Variants in ELL observed in about 807,000 individuals in gnomAD.
ELL encodes the protein RNA polymerase II elongation factor ELL.
ELL carries 18 observed loss-of-function variants against 64.0 expected under a neutral mutation model. The observed-to-expected ratio is 0.28, with a 90% confidence interval of 0.19 to 0.42. ELL has a LOEUF of 0.42. Among genes scored for constraint, ELL ranks in the 10% least tolerant of loss-of-function variants. The pLI is 1.00. For synonymous variants in ELL, 399 were observed against 376.2 expected, an observed-to-expected ratio of 1.06 and a Z score of -0.70; for missense variants, 797 against 870.4, an observed-to-expected ratio of 0.92 and a Z score of 1.06.
intron 1 of ELL, among the ~76,000 whole-genome samples, chr19:18,516,441 G>A (rs1003547594): frequency 2.6e-5 from 4 of 152,140 alleles, no homozygotes; most frequent in East Asian, 1.9e-4. Flanking sequence ...AACGTTGACC[G>A]CCGGTGAGTT....
At chr19:18,457,128 T>C (rs1027328133) in intron 6 of ELL, among the ~76,000 whole-genome samples, 1 of 152,190 alleles carries the variant, frequency 6.6e-6, no homozygotes. Flanking sequence ...GGGGCTGGCA[T>C]GAGCCCAGCA....
chr19:18,457,412 C>T (rs1338606794), intron 6 of ELL, among the ~76,000 whole-genome samples: 4 of 152,188 alleles, frequency 2.6e-5, no homozygotes, highest in African/African-American at 7.2e-5. Flanking sequence ...GGCAGTGCCC[C>T]GCAGGCCCCT....
chr19:18,459,979 AG>A (rs1247609465), intron 5 of ELL, among the ~76,000 whole-genome samples: 1 of 152,196 alleles, frequency 6.6e-6, no homozygotes, highest in Non-Finnish European at 1.5e-5. Context: ...AGTAGGTCAA[AG>A]GCTGAATATT....
At chr19:18,457,479 A>AC (rs35073489) in intron 6 of ELL, among the ~76,000 whole-genome samples, 1 of 152,106 alleles carries the variant, frequency 6.6e-6, no homozygotes, top group Non-Finnish European at 1.5e-5. Context: ...AGCAGAGTGG[A>AC]CCCCCAACTT....
chr19:18,472,740 G>A lies in ELL; in HGVS notation c.183+95C>T, dbSNP rs930960463. The A allele has an allele frequency of 2.1e-6, 3 of 1,458,410 alleles. No individual in the cohort carries two copies. In the African/African-American group the frequency reaches 4.3e-5, roughly 21 times the overall value. The allele number at this position is 1,458,410 out of a possible 1,614,324, so 90.3% of individuals were successfully genotyped here. A position where few individuals can be genotyped will look rare whatever the true frequency, so the allele number is the denominator to read the frequency against. Reference sequence around the variant, plus strand: ...TGGTGGCAGACAGGGCCCAAACACTGCCATGAGCTGCTGCTGTACCCAGCG... The same window carrying A: ...TGGTGGCAGACAGGGCCCAAACACTACCATGAGCTGCTGCTGTACCCAGCG... On this transcript the variant is annotated intron_variant, in intron 2 of 11. Coordinates refer to ENST00000262809, the MANE Select transcript of ELL (RefSeq NM_006532.4).
intron 1 of ELL, among the ~76,000 whole-genome samples, chr19:18,482,748 C>T (rs2144943890): frequency 6.9e-6 from 1 of 144,452 alleles, no homozygotes; most frequent in East Asian, 2.0e-4. Flanking sequence ...CTTAGTTCCT[C>T]CCATCTTTTT....
In ELL at chr19:18,458,195, G is replaced by T; in HGVS notation, c.869+10C>A. On this transcript the variant is annotated intron_variant, in intron 6 of 11. Coordinates refer to ENST00000262809, the MANE Select transcript of ELL (RefSeq NM_006532.4). ...GTGGGGACATGCTGGGGGATGGGAGGCGGCATTACCGGACGAGCACCCGCT... is the reference window on the plus strand; with the variant it reads ...GTGGGGACATGCTGGGGGATGGGAGTCGGCATTACCGGACGAGCACCCGCT... The T allele has an allele frequency of 6.2e-7, 1 of 1,607,300 alleles. No individual in the cohort carries two copies.
intron 1 of ELL, 108 bp from the exon 2 acceptor site, chr19:18,472,990 G>A (rs1329484158): frequency 5.4e-6 from 7 of 1,303,884 alleles, no homozygotes; most frequent in Admixed American, 5.3e-5. Flanking sequence ...TGAAGATGGT[G>A]TTCTCAGGAG....
intron 8 of ELL, 50 bp downstream of exon 8, chr19:18,450,427 T>C (rs749167477): frequency 6.3e-7 from 1 of 1,580,876 alleles, no homozygotes; most frequent in Non-Finnish European, 8.6e-7. Flanking sequence ...GAGGCGGGTG[T>C]GGGGCCAGTA....
At chr19:18,498,873 C>T (rs561669667) in intron 1 of ELL, among the ~76,000 whole-genome samples, 23 of 152,272 alleles carry the variant, frequency 1.5e-4, no homozygotes, top group African/African-American at 5.3e-4. Context: ...TCGCTTGAAA[C>T]CAGGAGGCAG....
chr19:18,465,104 A>T (rs1974906614), intron 4 of ELL, among the ~76,000 whole-genome samples: 1 of 152,186 alleles, frequency 6.6e-6, no homozygotes, highest in Admixed American at 6.5e-5. Context: ...CTGCAGCCTG[A>T]AAGCAGGGAC....
chr19:18,465,604 A>G, intron 3 of ELL, 29 bp from the exon 4 acceptor site: 2 of 1,561,260 alleles, frequency 1.3e-6, no homozygotes, highest in Non-Finnish European at 1.7e-6. Flanking sequence ...AGCTGGGGTC[A>G]GCAGCTGGGA....
intron 1 of ELL, among the ~76,000 whole-genome samples, chr19:18,507,760 T>A (rs1416482331): frequency 6.6e-6 from 1 of 152,200 alleles, no homozygotes; most frequent in Non-Finnish European, 1.5e-5. Flanking sequence ...CTGTGTAGGT[T>A]GTGCCCCGCC....
chr19:18,491,007 C>T (rs939508914), intron 1 of ELL, among the ~76,000 whole-genome samples: 12 of 152,218 alleles, frequency 7.9e-5, no homozygotes, highest in African/African-American at 1.4e-4. Flanking sequence ...CAGTATCCAG[C>T]TGTTTGGCCA....
chr19:18,511,775 T>C (rs1286693212), intron 1 of ELL, among the ~76,000 whole-genome samples: 1 of 151,834 alleles, frequency 6.6e-6, no homozygotes, highest in Non-Finnish European at 1.5e-5. Flanking sequence ...TCCCAGCATT[T>C]TGGGAGGCTG....
chr19:18,490,447 T>C (rs372583772), intron 1 of ELL, among the ~76,000 whole-genome samples: 4 of 152,292 alleles, frequency 2.6e-5, no homozygotes, highest in African/African-American at 9.6e-5. Flanking sequence ...TGACCTCACA[T>C]TGTCCTCCCC....
At chr19:18,510,950 C>T (rs1000861296) in intron 1 of ELL, among the ~76,000 whole-genome samples, 4 of 151,980 alleles carry the variant, frequency 2.6e-5, no homozygotes, top group African/African-American at 4.8e-5. Flanking sequence ...GGTGAAACCC[C>T]GTCTCTACTA....
intron 10 of ELL, among the ~76,000 whole-genome samples, chr19:18,445,869 G>A (rs1334214717): frequency 6.6e-6 from 1 of 152,080 alleles, no homozygotes; most frequent in Admixed American, 6.5e-5. Flanking sequence ...GGACCACAGG[G>A]ACCTGTCACC....
intron 1 of ELL, among the ~76,000 whole-genome samples, chr19:18,505,842 T>C (rs1191293279): frequency 6.6e-6 from 1 of 152,146 alleles, no homozygotes; most frequent in African/African-American, 2.4e-5. Flanking sequence ...CTGCAGGCAC[T>C]GACCTGACCT....
Sources: gnomAD v4.1 joint callset for allele counts (sites outside exome capture counted in the v4.1 genomes callset) on GRCh38, gnomAD v4.1.1 for gene constraint, MANE v1.5 for transcripts, NCBI Gene and HGNC (gene_info 2026-07-23, HGNC 2026-07-21) for gene names.